Variants in UMOD observed in about 807,000 individuals in gnomAD.
The protein encoded by UMOD is Tamm-Horsfall urinary glycoprotein.
In UMOD, 64 loss-of-function variants were observed where a neutral mutation model predicts 66.0. That is an observed-to-expected ratio of 0.97 (90% CI 0.79 to 1.19). The LOEUF is 1.19. UMOD is among the 50% of genes most tolerant of loss of function. The pLI, the probability that UMOD is intolerant of heterozygous loss-of-function variation, is 0.00. For synonymous variants in UMOD, 398 were observed against 352.7 expected, an observed-to-expected ratio of 1.13 and a Z score of -1.44; for missense variants, 764 against 850.9, an observed-to-expected ratio of 0.90 and a Z score of 1.27.
chr16:20,352,970 C>CT, upstream of UMOD: 1 of 373,398 alleles, frequency 2.7e-6, no homozygotes, highest in Non-Finnish European at 4.7e-6. Flanking sequence ...TTCGCACCTT[C>CT]TAACAGCAAG....
intron 5 of UMOD, among the ~76,000 whole-genome samples, chr16:20,345,442 C>CT (rs773200268): frequency 0.18 from 7,524 of 41,078 alleles, 297 homozygotes; most frequent in Non-Finnish European, 0.21. Context: ...TTCTTTCTTT[C>CT]TTCCTTTCTT....
At chr16:20,354,551 G>A (rs908634580), upstream of UMOD, among the ~76,000 whole-genome samples, 9 of 151,558 alleles carry the variant, frequency 5.9e-5, no homozygotes, top group East Asian at 1.9e-4. Context: ...TGAACTAGTC[G>A]TTTTTATCCT....
intron 4 of UMOD, among the ~76,000 whole-genome samples, chr16:20,347,888 C>T (rs1965673058): frequency 6.6e-6 from 1 of 152,170 alleles, no homozygotes; most frequent in African/African-American, 2.4e-5. Context: ...GGCTTGTGTT[C>T]TGGTGCTGCA....
intron 7 of UMOD, among the ~76,000 whole-genome samples, chr16:20,340,734 C>A (rs981154450): frequency 3.9e-5 from 6 of 151,948 alleles, no homozygotes; most frequent in Non-Finnish European, 8.8e-5. Context: ...GTGGCTCACA[C>A]CTGTAATCCC....
At chr16:20,345,396 TTTTTTTTCTTTCTTTC>T (rs1965489611) in intron 5 of UMOD, among the ~76,000 whole-genome samples, 1 of 27,840 alleles carries the variant, frequency 3.6e-5, no homozygotes, top group Admixed American at 3.0e-4. Context: ...TTTCTTTTCT[TTTTTTTTCTTTCTTTC>T]TTTCTTTCTT....
In UMOD at chr16:20,341,124, G is replaced by T; in HGVS notation, c.1544C>A (p.Thr515Lys). The T allele has an allele frequency of 6.2e-7, 1 of 1,614,092 alleles. No individual in the cohort carries two copies. Among genetic ancestry groups the T allele is most frequent in the Non-Finnish European group, 8.5e-7 (1 of 1,180,008 alleles). Reference sequence around the variant, plus strand: ...GATGATGAAGTACTTCAGGGGGTCCGTGGCATTGCTACTGGGTGTGGCATA... The same window carrying T: ...GATGATGAAGTACTTCAGGGGGTCCTTGGCATTGCTACTGGGTGTGGCATA... ...NCYATPSSNA[T>K]DPLKYFIIQD... Residue 515 changes from threonine to lysine, a missense_variant, in exon 7 of 11, where the codon ACG becomes AAG. By Grantham distance (78) the Thr-to-Lys change is moderately conservative. Transcript: ENST00000396138.
intron 7 of UMOD, among the ~76,000 whole-genome samples, chr16:20,340,257 A>G (rs1965117595): frequency 1.3e-5 from 2 of 152,062 alleles, no homozygotes; most frequent in South Asian, 4.2e-4. Context: ...CTGTAGTCCC[A>G]GCTACTCATG....
upstream of UMOD, chr16:20,352,787 T>C (rs1965957572): frequency 8.4e-7 from 1 of 1,191,960 alleles, no homozygotes; most frequent in Non-Finnish European, 1.1e-6. Context: ...AATTAGTCTC[T>C]AGTTCTGTTT....
At chr16:20,335,577 T>C (rs1964826080) in intron 9 of UMOD, 57 bp from the exon 10 acceptor site, 4 of 1,561,996 alleles carry the variant, frequency 2.6e-6, no homozygotes, top group Non-Finnish European at 2.6e-6. Context: ...TTGGCAAGCA[T>C]CCTGACAGAA....
intron 2 of UMOD, chr16:20,349,765 T>TCTGCCAGA: frequency 6.5e-7 from 1 of 1,547,254 alleles, no homozygotes; most frequent in Non-Finnish European, 8.7e-7. Flanking sequence ...ATTTTATGTT[T>TCTGCCAGA]TCTGCTTCCC....
In UMOD at chr16:20,337,377, T is replaced by A. The variant is rs1964941316; in HGVS notation, c.1654A>T (p.Met552Leu). 6.2e-7 allele frequency: 1 copy of A among 1,614,164 alleles called. No homozygotes were observed. The highest frequency in any genetic ancestry group is 8.5e-7 in the Non-Finnish European group (1 of 1,180,020). ...TCATAGTTTCCAGCAAACCGGAACA[T>A]CTGGACGGAAAATCGGCCCTGGGAG... ...ESSQGRFSVQ[M>L]FRFAGNYDLV... The change falls in exon 8 of 11, where the codon ATG becomes TTG. Residue 552 changes from methionine (M) to leucine (L), a missense_variant. Coordinates refer to ENST00000396138, the MANE Select transcript of UMOD (RefSeq NM_003361.4).
At position 20,334,833 on chromosome 16, in the gene UMOD, C is replaced by T. The variant is rs552311996; in HGVS notation, c.1861+649G>A. On this transcript the variant is annotated intron_variant, in intron 10 of 10. Transcript: ENST00000396138. ...GTAGCACTCAAGGAATATTTGTCAC[C>T]TATTTTTTTTTTTTTTTTGAGATGG... Among the ~76,000 whole-genome samples the T allele has an allele frequency of 9.7e-4, 128 of 132,388 alleles. 1 individual carries two copies. The highest frequency in any genetic ancestry group is 4.2e-3 in the African/African-American group (124 of 29,756). The allele number at this position is 132,388 out of a possible 152,430, so 86.9% of individuals were successfully genotyped here.
chr16:20,336,843 G>A (rs569069782), intron 8 of UMOD, 116 bp from the exon 9 acceptor site: 19 of 887,184 alleles, frequency 2.1e-5, no homozygotes, highest in Non-Finnish European at 3.5e-5. Context: ...GGCAGAAGTT[G>A]TTAGGAGACC....
intron 7 of UMOD, among the ~76,000 whole-genome samples, chr16:20,338,538 A>C (rs1965008016): frequency 6.6e-6 from 1 of 152,176 alleles, no homozygotes; most frequent in Non-Finnish European, 1.5e-5. Flanking sequence ...TCTGCCACCC[A>C]GGCTGGAGTG....
chr16:20,343,998 G>A (rs1965384851), intron 6 of UMOD, 26 bp downstream of exon 6: 1 of 1,612,456 alleles, frequency 6.2e-7, no homozygotes, highest in Non-Finnish European at 8.5e-7. Context: ...CCATCTAGGG[G>A]CCCTAGGGAC....
chr16:20,341,296 C>A lies in UMOD; in HGVS notation c.1372G>T (p.Val458Leu), dbSNP rs55772253. The A allele has an allele frequency of 0.022, 34,891 of 1,613,928 alleles. 509 individuals are homozygous for A. The highest frequency in any genetic ancestry group is 0.067 in the Middle Eastern group (404 of 6,052). The change falls in exon 7 of 11, where the codon GTG (valine) becomes TTG (leucine). Residue 458 changes from valine to leucine, a missense_variant. Physicochemically the swap from Val to Leu is conservative, Grantham distance 32. Transcript: ENST00000396138. ...GGGGTCTGGAAGAGCGCCATCCGCACGGTGAACATGCCGGTCCCGCCCACT... is the reference window on the plus strand; with the variant it reads ...GGGGTCTGGAAGAGCGCCATCCGCAAGGTGAACATGCCGGTCCCGCCCACT... ...IRVGGTGMFT[V>L]RMALFQTPSY...
chr16:20,351,653 T>A (rs1965898507), intron 1 of UMOD, among the ~76,000 whole-genome samples: 3 of 152,206 alleles, frequency 2.0e-5, no homozygotes, highest in African/African-American at 7.2e-5. Flanking sequence ...TTCAAAGACA[T>A]TCATGTGCTC....
At chr16:20,349,751 G>A in intron 2 of UMOD, 1 of 1,537,888 alleles carries the variant, frequency 6.5e-7, no homozygotes, top group Non-Finnish European at 8.8e-7. Flanking sequence ...CCCTTTCTTT[G>A]CACATTTTAT....
Position 20,350,642 on chromosome 16 carries a change from T to G in UMOD, c.88+8A>C. 1.9e-6 allele frequency: 3 copies of G among 1,614,102 alleles called. No homozygotes were observed. Among genetic ancestry groups the G allele is most frequent in the Non-Finnish European group, 1.7e-6 (2 of 1,180,008 alleles). On this transcript the variant is annotated splice_region_variant and intron_variant, in intron 2 of 10. Transcript: ENST00000396138. ...CACATATACAACGCACACACACTTT[T>G]CACTTACTTGCTTCTGAGGTGTCAG...
Sources: allele counts gnomAD v4.1 joint callset (sites outside exome capture counted in the v4.1 genomes callset), GRCh38; gene constraint gnomAD v4.1.1; transcripts MANE v1.5; gene names NCBI Gene and HGNC (gene_info 2026-07-23, HGNC 2026-07-21).